The following ZBTB20 variants were observed in gnomAD, a reference collection of about 807,000 sequenced individuals.
The protein encoded by ZBTB20 is zinc finger and BTB domain containing 20.
In ZBTB20, 9 loss-of-function variants were observed where a neutral mutation model predicts 56.9. That is an observed-to-expected ratio of 0.16 (90% confidence interval 0.10 to 0.28). ZBTB20 has a LOEUF of 0.28. Ranked by LOEUF, ZBTB20 falls within the 10% of genes least tolerant of loss-of-function variation. The pLI is 1.00. For missense variants in ZBTB20, 655 were observed against 1,003.0 expected (o/e 0.65, Z 4.69); for synonymous variants, 417 against 420.7 (o/e 0.99, Z 0.11).
intron 6 of ZBTB20, chr3:114,684,506 T>C (rs1282457402): frequency 6.6e-6 from 1 of 152,216 alleles, no homozygotes; most frequent in Non-Finnish European, 1.5e-5. Context: ...GAGTTAGATA[T>C]ACAGAAAGTT....
chr3:114,380,803 G>C lies in ZBTB20; in HGVS notation c.-16C>G. The C allele has an allele frequency of 1.3e-6, 2 of 1,510,024 alleles. No homozygotes were observed. Among genetic ancestry groups the C allele is most frequent in the Non-Finnish European group, 1.8e-6 (2 of 1,137,522 alleles). 93.5% of individuals were successfully genotyped at this position (1,510,024 alleles called of 1,614,324 possible). A position where few individuals can be genotyped will look rare whatever the true frequency, so the allele number is the denominator to read the frequency against. Reference sequence around the variant, plus strand: ...GTTCTAGCATTTGTCAGGAAGCTTAGAGACAGGACTCGTGGAGTAATGGGA... The same window carrying C: ...GTTCTAGCATTTGTCAGGAAGCTTACAGACAGGACTCGTGGAGTAATGGGA... On this transcript the variant is annotated 5_prime_UTR_variant, in exon 9 of 12. Transcript: ENST00000675478.
chr3:115,103,922 T>G (rs1472883630), intron 1 of ZBTB20, among the ~76,000 whole-genome samples: 2 of 152,212 alleles, frequency 1.3e-5, no homozygotes, highest in Non-Finnish European at 1.5e-5. Context: ...AGCCACAGAC[T>G]GGAAGAAAAT....
intron 5 of ZBTB20, among the ~76,000 whole-genome samples, chr3:114,795,247 A>T (rs2071262206): frequency 6.6e-6 from 1 of 152,060 alleles, no homozygotes; most frequent in Admixed American, 6.6e-5. Flanking sequence ...TTTTGTTAGC[A>T]TGTGTATATT....
chr3:114,363,154 G>A (rs904823643), intron 10 of ZBTB20, among the ~76,000 whole-genome samples: 4 of 152,156 alleles, frequency 2.6e-5, no homozygotes, highest in African/African-American at 9.7e-5. Context: ...AGGTCAAACT[G>A]TTAAAAGTTT....
At chr3:114,633,065 T>C (rs1054722628) in intron 6 of ZBTB20, among the ~76,000 whole-genome samples, 1 of 152,218 alleles carries the variant, frequency 6.6e-6, no homozygotes, top group African/African-American at 2.4e-5. Flanking sequence ...GGAAATGTAA[T>C]CACCTATTTC....
chr3:115,028,762 T>A (rs2080534787), intron 2 of ZBTB20, among the ~76,000 whole-genome samples: 1 of 150,612 alleles, frequency 6.6e-6, no homozygotes, highest in Non-Finnish European at 1.5e-5. Context: ...TGAAAATGCA[T>A]GCAATAAAAA....
At chr3:115,058,539 G>A (rs1357155979) in intron 2 of ZBTB20, among the ~76,000 whole-genome samples, 2 of 152,112 alleles carry the variant, frequency 1.3e-5, no homozygotes, top group Admixed American at 1.3e-4. Context: ...GACCAGCCTG[G>A]CCAACATGGC....
Position 115,072,280 on chromosome 3 carries a change from G to A in ZBTB20, c.-702-866C>T, listed in dbSNP as rs184527300. On this transcript the variant is annotated intron_variant, in intron 1 of 11. Transcript: ENST00000675478. ...GAGTTTAAAACTGTATGGAAGAATA[G>A]GTATTGGGCTTTTCTGTAACTGATG... 3.3e-5 allele frequency among the ~76,000 whole-genome samples: 5 copies of A among 152,196 alleles called. No homozygotes were observed. In the East Asian group the frequency reaches 7.7e-4, roughly 23 times the overall value.
chr3:114,935,491 A>C (rs970421184), intron 3 of ZBTB20, among the ~76,000 whole-genome samples: 1 of 152,218 alleles, frequency 6.6e-6, no homozygotes, highest in African/African-American at 2.4e-5. Context: ...CTTCCAATTA[A>C]GATTTTCTTT....
At chr3:114,910,982 A>G (rs1263546223) in intron 3 of ZBTB20, among the ~76,000 whole-genome samples, 1 of 152,040 alleles carries the variant, frequency 6.6e-6, no homozygotes, top group Non-Finnish European at 1.5e-5. Context: ...CTTTCACAAA[A>G]TTTGGGAATT....
intron 5 of ZBTB20, among the ~76,000 whole-genome samples, chr3:114,795,540 C>G (rs982748046): frequency 6.6e-6 from 1 of 151,998 alleles, no homozygotes; most frequent in African/African-American, 2.4e-5. Flanking sequence ...GCTTTCTCCC[C>G]TCCCATACTC....
At chr3:114,583,832 T>C (rs1420658960) in intron 6 of ZBTB20, among the ~76,000 whole-genome samples, 3 of 152,230 alleles carry the variant, frequency 2.0e-5, no homozygotes, top group African/African-American at 7.2e-5. Context: ...ATTATTAAAA[T>C]GAGACTGTCT....
intron 6 of ZBTB20, among the ~76,000 whole-genome samples, chr3:114,644,074 T>C (rs960715570): frequency 1.3e-5 from 2 of 151,890 alleles, no homozygotes; most frequent in African/African-American, 4.8e-5. Flanking sequence ...AATAAGTCTA[T>C]ACCTTTGGGA....
intron 7 of ZBTB20, among the ~76,000 whole-genome samples, chr3:114,450,184 T>G (rs1487994780): frequency 6.6e-6 from 1 of 152,190 alleles, no homozygotes; most frequent in Non-Finnish European, 1.5e-5. Context: ...ATCAACAGCC[T>G]TACCTGTGGC....
At chr3:114,731,277 A>G (rs549283886) in intron 5 of ZBTB20, among the ~76,000 whole-genome samples, 1 of 152,206 alleles carries the variant, frequency 6.6e-6, no homozygotes, top group East Asian at 1.9e-4. Context: ...AGATGTTCCT[A>G]TCTATTTAAA....
At chr3:114,538,493 G>A (rs2048737413) in intron 6 of ZBTB20, among the ~76,000 whole-genome samples, 1 of 151,914 alleles carries the variant, frequency 6.6e-6, no homozygotes, top group South Asian at 2.1e-4. Flanking sequence ...TTGACATACT[G>A]CTTACCTAAA....
chr3:114,627,065 A>G (rs2058694665), intron 6 of ZBTB20, among the ~76,000 whole-genome samples: 1 of 152,172 alleles, frequency 6.6e-6, no homozygotes, highest in Admixed American at 6.5e-5. Flanking sequence ...AGACCTGGTC[A>G]AGCATTATCT....
intron 4 of ZBTB20, among the ~76,000 whole-genome samples, chr3:114,825,880 A>C (rs911410617): frequency 2.0e-5 from 3 of 151,748 alleles, no homozygotes; most frequent in Non-Finnish European, 3.0e-5. Context: ...CTGGGGTCTT[A>C]ATTTTTTCAA....
At position 114,657,336 on chromosome 3, in the gene ZBTB20, G is replaced by A. The variant is rs1372590417; in HGVS notation, c.-295+36192C>T. On this transcript the variant is annotated intron_variant, in intron 6 of 11. Coordinates refer to ENST00000675478, the MANE Select transcript of ZBTB20 (RefSeq NM_001348800.3). ...TATTTCTAAGGTTTGATCCTTCTGGGATTCATAAAGCCTGAGACATTTACC... is the reference window on the plus strand; with the variant it reads ...TATTTCTAAGGTTTGATCCTTCTGGAATTCATAAAGCCTGAGACATTTACC... 2.0e-5 allele frequency among the ~76,000 whole-genome samples: 3 copies of A among 152,252 alleles called. No individual in the cohort carries two copies. The East Asian group carries it at 5.8e-4, about 29-fold the overall frequency.
Sources: gnomAD v4.1 joint callset for allele counts (sites outside exome capture counted in the v4.1 genomes callset) on GRCh38, gnomAD v4.1.1 for gene constraint, MANE v1.5 for transcripts, NCBI Gene and HGNC (gene_info 2026-07-23, HGNC 2026-07-21) for gene names.